Variants in SPAG17 observed in about 807,000 individuals in gnomAD.
SPAG17 encodes the protein sperm associated antigen 17, also known as sperm-associated antigen 17.
In SPAG17, 169 loss-of-function variants were observed where a neutral mutation model predicts 273.6. That is an observed-to-expected ratio of 0.62 (90% CI 0.55 to 0.70). The LOEUF (loss-of-function observed/expected upper bound fraction) is 0.70, where lower values mean the gene tolerates loss of function less well. Ranked by LOEUF, SPAG17 falls within the 30% of genes least tolerant of loss-of-function variation. The pLI, the probability that SPAG17 is intolerant of heterozygous loss-of-function variation, is 0.00. For missense variants in SPAG17, 2,557 were observed against 2,627.8 expected, an observed-to-expected ratio of 0.97 and a Z score of 0.59; for synonymous variants, 825 against 873.2, an observed-to-expected ratio of 0.94 and a Z score of 0.97.
intron 20 of SPAG17, among the ~76,000 whole-genome samples, chr1:118,047,451 C>T (rs949432254): frequency 6.6e-6 from 1 of 152,052 alleles, no homozygotes; most frequent in East Asian, 1.9e-4. Context: ...AGGCTCTAGG[C>T]CCACCTCACT....
intron 1 of SPAG17, 143 bp from the exon 2 acceptor site, chr1:118,151,512 T>C: frequency 1.2e-6 from 1 of 818,778 alleles, no homozygotes; most frequent in Non-Finnish European, 1.7e-6. Flanking sequence ...TGTGGTTTTC[T>C]GATTGAAGTA....
chr1:117,959,315 T>C (rs200311888), intron 48 of SPAG17: 31 of 1,613,304 alleles, frequency 1.9e-5, no homozygotes, highest in Non-Finnish European at 2.6e-5. Context: ...TCAATATGGC[T>C]GGTCTTGATT....
In SPAG17 at chr1:118,101,846, C is replaced by T. The variant is rs1656090259; in HGVS notation, c.528G>A (p.Lys176=). Residue 176 remains lysine (K), a synonymous_variant, in exon 5 of 49, where the codon AAG becomes AAA. Transcript: ENST00000336338. ...SPKEKKAPSA[K]PAKGKGKDQP... is the part of the protein sequence containing the mutation. ...GATCCTTTCCCTTTCCTTTGGCAGG[C>T]TTGGCACTTGGAGCCTTTTTCTCCT... is the stretch of plus-strand genomic sequence containing the variant. The T allele has an allele frequency of 6.2e-7, 1 of 1,613,904 alleles. No individual in the cohort carries two copies. Among genetic ancestry groups the T allele is most frequent in the South Asian group, 1.1e-5 (1 of 91,076 alleles).
At chr1:118,008,748 T>C (rs912349183) in intron 30 of SPAG17, among the ~76,000 whole-genome samples, 1 of 152,110 alleles carries the variant, frequency 6.6e-6, no homozygotes, top group Non-Finnish European at 1.5e-5. Flanking sequence ...ATTCTACACC[T>C]GCTTTTTTCA....
intron 20 of SPAG17, among the ~76,000 whole-genome samples, chr1:118,042,430 A>C (rs886579553): frequency 2.0e-5 from 3 of 152,160 alleles, no homozygotes; most frequent in Admixed American, 6.5e-5. Flanking sequence ...GCAGTGTGGA[A>C]GACTAGATGT....
intron 6 of SPAG17, among the ~76,000 whole-genome samples, chr1:118,098,071 T>C (rs1000635684): frequency 6.6e-5 from 10 of 152,224 alleles, no homozygotes; most frequent in African/African-American, 1.7e-4. Context: ...ACTTATCTCA[T>C]GCCTTCATTT....
chr1:118,034,824 G>A, intron 24 of SPAG17, among the ~76,000 whole-genome samples: 1 of 152,278 alleles, frequency 6.6e-6, no homozygotes, highest in African/African-American at 2.4e-5. Context: ...TTAAGATTAA[G>A]ATTAAGATTC....
intron 4 of SPAG17, among the ~76,000 whole-genome samples, chr1:118,107,923 C>A (rs1380235562): frequency 2.0e-5 from 3 of 152,238 alleles, no homozygotes; most frequent in East Asian, 3.9e-4. Context: ...AGTGTTATAT[C>A]TTCAGTTGGT....
At chr1:118,183,194 A>T (rs1570845052) in intron 1 of SPAG17, among the ~76,000 whole-genome samples, 1 of 152,114 alleles carries the variant, frequency 6.6e-6, no homozygotes, top group South Asian at 2.1e-4. Context: ...CACATAAACT[A>T]GCACACACAC....
At chr1:117,969,963 G>T in intron 46 of SPAG17, 93 bp downstream of exon 46, 2 of 1,111,420 alleles carry the variant, frequency 1.8e-6, no homozygotes, top group South Asian at 1.4e-5. Flanking sequence ...AAAGGAATGG[G>T]CAGAATGGTT....
At chr1:118,136,032 A>G (rs1658336341) in intron 3 of SPAG17, among the ~76,000 whole-genome samples, 1 of 152,162 alleles carries the variant, frequency 6.6e-6, no homozygotes, top group Non-Finnish European at 1.5e-5. Context: ...CTCTTTCCTC[A>G]TTTTCTACAT....
rs375595278 is a variant in SPAG17, at chr1:118,081,616, G to A, written c.1789C>T (p.Arg597Ter). 1.6e-5 allele frequency: 26 copies of A among 1,613,728 alleles called. No homozygotes were observed. The highest frequency in any genetic ancestry group is 1.2e-4 in the African/African-American group (9 of 74,848). The change falls in exon 14 of 49, where the codon CGA becomes TGA. Residue 597 changes from arginine to a stop codon, truncating the protein, a stop_gained. Coordinates refer to ENST00000336338, the MANE Select transcript of SPAG17 (RefSeq NM_206996.4). LOFTEE classifies it high-confidence loss of function. ...TCAAAAGTAAACACCTTGAAGGCTC[G>A]TTCTACTTCATTCCAGCTCAAGACA... ...SDVLSWNEVE[R>*]AFKVFTFESL... is the part of the protein sequence containing the mutation.
intron 28 of SPAG17, among the ~76,000 whole-genome samples, chr1:118,022,058 G>A (rs544301679): frequency 1.3e-5 from 2 of 152,148 alleles, no homozygotes; most frequent in East Asian, 3.9e-4. Flanking sequence ...GTAAATCCAG[G>A]TTTCTAGATT....
intron 1 of SPAG17, among the ~76,000 whole-genome samples, chr1:118,164,305 A>C (rs183176448): frequency 6.6e-6 from 1 of 152,318 alleles, no homozygotes; most frequent in East Asian, 1.9e-4. Context: ...ATGTCTAAAA[A>C]CTGAGCTCTT....
chr1:118,107,219 C>T (rs2102235544), intron 4 of SPAG17, among the ~76,000 whole-genome samples: 1 of 152,232 alleles, frequency 6.6e-6, no homozygotes, highest in Admixed American at 6.5e-5. Context: ...ATACTCTTGT[C>T]TGTCTTTGAT....
chr1:118,185,142 C>T lies in SPAG17; in HGVS notation c.16G>A (p.Glu6Lys), dbSNP rs991412283. 5.0e-6 allele frequency: 8 copies of T among 1,613,968 alleles called. No homozygotes were observed. The Admixed American group carries it at 5.0e-5, about 10-fold the overall frequency. Residue 6 changes from glutamate (E) to lysine (K), a missense_variant, in exon 1 of 49, where the codon GAG (glutamate) becomes AAG (lysine). Physicochemically the swap from Glu to Lys is moderately conservative, Grantham distance 56 (BLOSUM62 1). Transcript: ENST00000336338. MAPKK[E>K]KGGTVNTSSK... ...CTGGTGTTCACAGTTCCTCCTTTCT[C>T]CTTCTTGGGTGCCATGCAAAGGACG...
chr1:118,081,072 C>T (rs773431489), intron 15 of SPAG17, 29 bp downstream of exon 15: 15 of 1,492,050 alleles, frequency 1.0e-5, no homozygotes, highest in Non-Finnish European at 1.3e-5. Context: ...CACACACACA[C>T]ACACACACAC....
chr1:118,053,878 A>G, intron 20 of SPAG17, 124 bp downstream of exon 20: 1 of 630,382 alleles, frequency 1.6e-6, no homozygotes, highest in South Asian at 2.2e-5. Flanking sequence ...TCCAGCTTCC[A>G]GGAAGCCATC....
chr1:118,018,083 T>G (rs1660147016), intron 28 of SPAG17, among the ~76,000 whole-genome samples: 1 of 152,222 alleles, frequency 6.6e-6, no homozygotes, highest in Admixed American at 6.5e-5. Context: ...GCCAAAGAGG[T>G]AAAATAGCTC....
Sources: gnomAD v4.1 joint callset for allele counts (sites outside exome capture counted in the v4.1 genomes callset) on GRCh38, gnomAD v4.1.1 for gene constraint, MANE v1.5 for transcripts, NCBI Gene and HGNC (gene_info 2026-07-23, HGNC 2026-07-21) for gene names.